The following STK31 variants were observed in gnomAD, a reference collection of about 807,000 sequenced individuals.
STK31 encodes serine/threonine kinase 31, also known as serine/threonine-protein kinase 31.
Under a neutral mutation model 129.7 loss-of-function variants are expected in STK31, and 89 were observed. The observed-to-expected ratio is 0.69, with a 90% CI of 0.58 to 0.82. STK31 has a LOEUF of 0.82. Among genes scored for constraint, STK31 ranks in the 40% least tolerant of loss-of-function variants. The pLI is 0.00. For missense variants in STK31, 1,187 were observed against 1,176.4 expected (o/e 1.01, Z -0.13); for synonymous variants, 448 against 395.3 (o/e 1.13, Z -1.58).
At position 23,769,619 on chromosome 7, in the gene STK31, GT is replaced by G; in HGVS notation, c.1597-20del. 6.9e-7 allele frequency: 1 copy of G among 1,454,914 alleles called. No individual in the cohort carries two copies. The highest frequency in any genetic ancestry group is 9.6e-7 in the Non-Finnish European group (1 of 1,039,398). The allele number at this position is 1,454,914 out of a possible 1,614,324, so 90.1% of individuals were successfully genotyped here. On this transcript the variant is annotated intron_variant, in intron 12 of 23. Transcript: ENST00000355870. ...GATTGAATTAAATGAGATATTTCAT[GT>G]GTTTATTTTTGCAAATGAGGTTTTT... is the stretch of plus-strand genomic sequence containing the variant.
intron 22 of STK31, among the ~76,000 whole-genome samples, chr7:23,801,309 G>A (rs895847422): frequency 6.6e-6 from 1 of 152,102 alleles, no homozygotes; most frequent in Non-Finnish European, 1.5e-5. Context: ...ATGATGTTGA[G>A]CATCTTTTAG....
At position 23,735,654 on chromosome 7, in the gene STK31, G is replaced by A. The variant is rs373611611; in HGVS notation, c.600G>A (p.Gly200=). The A allele has an allele frequency of 2.2e-5, 36 of 1,613,924 alleles. No individual in the cohort carries two copies. The African/African-American group carries it at 4.4e-4, about 20-fold the overall frequency. The change falls in exon 7 of 24, where the codon GGG becomes GGA. Residue 200 remains glycine (G), a synonymous_variant. Transcript: ENST00000355870. ...AQAEYGSVDI[G]EEVLKKGFAE... ...CTGAGTATGGCAGTGTGGATATAGG[G>A]GAAGAGGTGCTTAAGAAAGGATTTG...
chr7:23,734,127 C>G (rs756586948), intron 6 of STK31, among the ~76,000 whole-genome samples: 19 of 152,110 alleles, frequency 1.2e-4, no homozygotes, highest in Admixed American at 9.2e-4. Flanking sequence ...TTTTTACACT[C>G]TTGTTTGTCT....
intron 22 of STK31, among the ~76,000 whole-genome samples, chr7:23,804,683 T>A (rs1792586717): frequency 6.6e-6 from 1 of 152,218 alleles, no homozygotes. Flanking sequence ...TGGACCTTCT[T>A]AATAACGTGA....
chr7:23,828,459 TG>T (rs1449051574), intron 23 of STK31, among the ~76,000 whole-genome samples: 2 of 152,232 alleles, frequency 1.3e-5, no homozygotes, highest in African/African-American at 4.8e-5. Flanking sequence ...AGTATTAGGG[TG>T]GGAGTGACCC....
At chr7:23,788,749 G>A (rs182468922) in intron 21 of STK31, among the ~76,000 whole-genome samples, 195 of 152,156 alleles carry the variant, frequency 1.3e-3, no homozygotes, top group African/African-American at 4.4e-3. Context: ...ACAACATGAT[G>A]TTTTGAAGTA....
chr7:23,777,471 T>C (rs1790629439), intron 15 of STK31, among the ~76,000 whole-genome samples: 1 of 152,196 alleles, frequency 6.6e-6, no homozygotes, highest in Non-Finnish European at 1.5e-5. Flanking sequence ...CTAATTCTCT[T>C]TGTAGGTCTC....
intron 22 of STK31, among the ~76,000 whole-genome samples, chr7:23,797,066 A>G (rs182046520): frequency 1.1e-4 from 16 of 152,302 alleles, no homozygotes; most frequent in Admixed American, 9.8e-4. Flanking sequence ...AGAGCTAACT[A>G]TCCTAAATAT....
In STK31 at chr7:23,734,679, A is replaced by G. The variant is rs76674244; in HGVS notation, c.484-859A>G. 5.5e-3 allele frequency among the ~76,000 whole-genome samples: 832 copies of G among 152,270 alleles called. 6 individuals are homozygous for G. Among genetic ancestry groups the G allele is most frequent in the African/African-American group, 0.019 (786 of 41,560 alleles). ...GTCTATTTAAGAGAGTTTTGAATGT[A>G]GAAGGCCAGGCGAGGTGGCTCACCC... On this transcript the variant is annotated intron_variant, in intron 6 of 23. Transcript: ENST00000355870.
At position 23,772,227 on chromosome 7, in the gene STK31, C is replaced by G; in HGVS notation, c.1914C>G (p.Ser638Arg). 1.2e-6 allele frequency: 2 copies of G among 1,609,026 alleles called. No individual in the cohort carries two copies. The highest frequency in any genetic ancestry group is 8.5e-7 in the Non-Finnish European group (1 of 1,177,948). Residue 638 changes from serine to arginine, a missense_variant, in exon 15 of 24, where the codon AGC becomes AGG. Physicochemically the swap from Ser to Arg is moderately radical, Grantham distance 110. Coordinates refer to ENST00000355870, the MANE Select transcript of STK31 (RefSeq NM_031414.5). ...HLLSIKKTLK[S>R]LKALLRWKLV... ...TATCCATTAAGAAGACATTGAAAAG[C>G]TTAAAAGCTCTACTCAGATGGAAAT...
At chr7:23,739,760 G>C (rs748192543) in intron 8 of STK31, among the ~76,000 whole-genome samples, 1 of 152,076 alleles carries the variant, frequency 6.6e-6, no homozygotes, top group Non-Finnish European at 1.5e-5. Flanking sequence ...TTTTTGTCAG[G>C]TTTGTCGAAG....
intron 23 of STK31, among the ~76,000 whole-genome samples, chr7:23,823,352 G>T (rs1302316945): frequency 1.3e-5 from 2 of 152,090 alleles, no homozygotes; most frequent in Non-Finnish European, 2.9e-5. Context: ...GGCCAGTGAT[G>T]ATGAGCATTT....
intron 23 of STK31, among the ~76,000 whole-genome samples, chr7:23,824,823 G>C (rs1340720229): frequency 6.6e-6 from 1 of 151,132 alleles, no homozygotes; most frequent in African/African-American, 2.4e-5. Flanking sequence ...GTTGAATTTT[G>C]TCAAAGGCCT....
At chr7:23,800,266 A>G (rs1234847704) in intron 22 of STK31, among the ~76,000 whole-genome samples, 1 of 152,240 alleles carries the variant, frequency 6.6e-6, no homozygotes, top group African/African-American at 2.4e-5. Flanking sequence ...TCATTGTACT[A>G]TAAAGACATG....
intron 8 of STK31, among the ~76,000 whole-genome samples, chr7:23,743,630 T>C (rs1788181676): frequency 6.6e-6 from 1 of 152,192 alleles, no homozygotes; most frequent in African/African-American, 2.4e-5. Context: ...ATGAATTTTA[T>C]CTGTTTAGGC....
chr7:23,810,338 A>C (rs957927599), intron 22 of STK31, among the ~76,000 whole-genome samples: 20 of 151,340 alleles, frequency 1.3e-4, no homozygotes, highest in Non-Finnish European at 2.9e-4. Flanking sequence ...ATTGTTTTTT[A>C]TTTACTCTTG....
chr7:23,717,849 T>C (rs918216236), intron 4 of STK31, among the ~76,000 whole-genome samples: 40 of 152,226 alleles, frequency 2.6e-4, no homozygotes, highest in African/African-American at 7.5e-4. Context: ...AATACTGTTA[T>C]GGTTCTACTT....
intron 1 of STK31, among the ~76,000 whole-genome samples, chr7:23,711,565 A>G (rs1771518725): frequency 6.6e-6 from 1 of 152,160 alleles, no homozygotes; most frequent in Admixed American, 6.5e-5. Flanking sequence ...TGCATTTGAT[A>G]AAGTATAATA....
At chr7:23,791,650 G>C (rs762065305) in intron 22 of STK31, among the ~76,000 whole-genome samples, 36 of 152,134 alleles carry the variant, frequency 2.4e-4, no homozygotes, top group Non-Finnish European at 4.4e-4. Context: ...TAAAAAGCTT[G>C]TTTCATGTTG....
Sources: allele counts gnomAD v4.1 joint callset (sites outside exome capture counted in the v4.1 genomes callset), GRCh38; gene constraint gnomAD v4.1.1; transcripts MANE v1.5; gene names NCBI Gene and HGNC (gene_info 2026-07-23, HGNC 2026-07-21).